The following METTL24 variants were observed in gnomAD, a reference collection of about 807,000 sequenced individuals.
METTL24 encodes the protein methyltransferase like 24.
A neutral mutation model predicts 32.7 loss-of-function variants in METTL24; 29 were observed. That is an observed-to-expected ratio of 0.89 (90% CI 0.66 to 1.21). The LOEUF (loss-of-function observed/expected upper bound fraction) is 1.21, where lower values mean the gene tolerates loss of function less well. METTL24 is among the 50% of genes most tolerant of loss of function. The pLI is 0.00. For synonymous variants in METTL24, 163 were observed against 179.5 expected (o/e 0.91, Z 0.73); for missense variants, 439 against 468.1 (o/e 0.94, Z 0.57).
intron 4 of METTL24, among the ~76,000 whole-genome samples, chr6:110,295,960 C>T (rs1320214167): frequency 6.6e-6 from 1 of 152,010 alleles, no homozygotes; most frequent in Non-Finnish European, 1.5e-5. Flanking sequence ...GTTCTCAGAC[C>T]TACTTCTCAA....
chr6:110,315,549 T>C (rs944034587), intron 2 of METTL24, 68 bp from the exon 3 acceptor site: 2 of 1,533,988 alleles, frequency 1.3e-6, no homozygotes, highest in Non-Finnish European at 9.0e-7. Flanking sequence ...TAGGGACTTA[T>C]TGCTTCCCCA....
intron 1 of METTL24, among the ~76,000 whole-genome samples, chr6:110,334,179 G>A (rs1422088161): frequency 1.3e-5 from 2 of 151,934 alleles, no homozygotes; most frequent in Non-Finnish European, 2.9e-5. Context: ...GCAACCCGGG[G>A]GCCCACAGGG....
chr6:110,246,087 A>T lies in METTL24; in HGVS notation c.960T>A (p.Leu320=), dbSNP rs1778153086. ...AATCCTTTTGTTCTAACTCTTTGAG[A>T]AGGCTGTACCAGAACCGCACAACGC... ...DSSVVRFWYS[L]LKELEQKDFR... is the part of the protein sequence containing the mutation. The change falls in exon 5 of 5, where the codon CTT becomes CTA. Residue 320 remains leucine, a synonymous_variant. Coordinates refer to ENST00000338882, the MANE Select transcript of METTL24 (RefSeq NM_001123364.3). The T allele has an allele frequency of 1.2e-6, 2 of 1,614,082 alleles. No individual in the cohort carries two copies. The highest frequency in any genetic ancestry group is 1.7e-6 in the Non-Finnish European group (2 of 1,180,036).
chr6:110,267,879 G>T (rs1446190852), intron 4 of METTL24, among the ~76,000 whole-genome samples: 1 of 152,074 alleles, frequency 6.6e-6, no homozygotes, highest in Admixed American at 6.6e-5. Flanking sequence ...AGAGGGCAAG[G>T]GGGTAGATCT....
chr6:110,246,099 G>A lies in METTL24; in HGVS notation c.948C>T (p.Phe316=), dbSNP rs1778153351. Residue 316 remains phenylalanine, a synonymous_variant, in exon 5 of 5, where the codon TTC becomes TTT. Coordinates refer to ENST00000338882, the MANE Select transcript of METTL24 (RefSeq NM_001123364.3). Reference sequence around the variant, plus strand: ...CTAACTCTTTGAGAAGGCTGTACCAGAACCGCACAACGCTGCTGTCACTGC... The same window carrying A: ...CTAACTCTTTGAGAAGGCTGTACCAAAACCGCACAACGCTGCTGTCACTGC... ...VSGSDSSVVR[F]WYSLLKELEQ... The A allele has an allele frequency of 6.2e-7, 1 of 1,614,050 alleles. No individual in the cohort carries two copies. The highest frequency in any genetic ancestry group is 1.3e-5 in the African/African-American group (1 of 74,918).
chr6:110,282,329 G>A (rs1171340954), intron 4 of METTL24, among the ~76,000 whole-genome samples: 2 of 152,070 alleles, frequency 1.3e-5, no homozygotes, highest in African/African-American at 2.4e-5. Context: ...CCCAGTAATT[G>A]TATATTGGCC....
intron 4 of METTL24, among the ~76,000 whole-genome samples, chr6:110,295,525 T>C (rs1487060009): frequency 6.6e-6 from 1 of 152,232 alleles, no homozygotes; most frequent in Non-Finnish European, 1.5e-5. Context: ...AAGGTCTACA[T>C]CTGTTCTGTG....
chr6:110,346,031 T>C (rs1166414494), intron 1 of METTL24, among the ~76,000 whole-genome samples: 1 of 152,230 alleles, frequency 6.6e-6, no homozygotes, highest in Non-Finnish European at 1.5e-5. Flanking sequence ...TTATGGGCCA[T>C]ACATAAGCTA....
chr6:110,259,679 C>A (rs1465771875), intron 4 of METTL24, among the ~76,000 whole-genome samples: 1 of 152,212 alleles, frequency 6.6e-6, no homozygotes, highest in Non-Finnish European at 1.5e-5. Context: ...TCAAGTGGGT[C>A]CCTGAACCCC....
chr6:110,263,454 C>T (rs1250521929), intron 4 of METTL24, among the ~76,000 whole-genome samples: 2 of 152,132 alleles, frequency 1.3e-5, no homozygotes, highest in Non-Finnish European at 2.9e-5. Flanking sequence ...CAAGCCACTG[C>T]TCAACGAAAT....
chr6:110,322,963 T>C lies in METTL24; in HGVS notation c.319-91A>G. On this transcript the variant is annotated intron_variant, in intron 1 of 4. Coordinates refer to ENST00000338882, the MANE Select transcript of METTL24 (RefSeq NM_001123364.3). ...AGTATCAGAGAGGAAGCAAGGCTGC[T>C]TTGGCTGTCAGCAAAACACACACAT... 7 of 995,062 alleles carry C rather than the reference T, an allele frequency of 7.0e-6. No individual in the cohort carries two copies. The South Asian group carries it at 1.1e-4, about 15-fold the overall frequency. The allele number at this position is 995,062 out of a possible 1,614,324, so 61.6% of individuals were successfully genotyped here.
At chr6:110,289,562 G>T (rs796385669) in intron 4 of METTL24, among the ~76,000 whole-genome samples, 17 of 152,042 alleles carry the variant, frequency 1.1e-4, no homozygotes, top group African/African-American at 4.1e-4. Context: ...AGAATTGGAA[G>T]CTAGTAGTGA....
intron 1 of METTL24, among the ~76,000 whole-genome samples, chr6:110,337,741 G>A (rs1417339482): frequency 6.6e-6 from 1 of 152,162 alleles, no homozygotes; most frequent in Non-Finnish European, 1.5e-5. Context: ...TTATTCACTA[G>A]TCAGTTCAGA....
intron 3 of METTL24, among the ~76,000 whole-genome samples, chr6:110,306,357 G>T (rs1190296954): frequency 6.6e-6 from 1 of 150,642 alleles, no homozygotes; most frequent in Admixed American, 6.6e-5. Flanking sequence ...CTAAAAAAAA[G>T]AAAACAGTTT....
At chr6:110,319,418 GAGAT>G (rs10659634) in intron 2 of METTL24, among the ~76,000 whole-genome samples, 21,279 of 148,668 alleles carry the variant, frequency 0.14, 1,676 homozygotes, top group Non-Finnish European at 0.18. Flanking sequence ...TAGAGAGGTA[GAGAT>G]AGATAGATAG....
intron 4 of METTL24, among the ~76,000 whole-genome samples, chr6:110,283,549 C>T (rs1771173057): frequency 6.6e-6 from 1 of 152,220 alleles, no homozygotes; most frequent in African/African-American, 2.4e-5. Context: ...GCTCATTCGC[C>T]CACCCACTCA....
At chr6:110,329,452 G>A (rs1772189119) in intron 1 of METTL24, among the ~76,000 whole-genome samples, 1 of 151,106 alleles carries the variant, frequency 6.6e-6, no homozygotes, top group South Asian at 2.1e-4. Context: ...GCATCTGTTA[G>A]TGGGCAGGAA....
chr6:110,332,632 G>C (rs1419982027), intron 1 of METTL24: 5 of 258,292 alleles, frequency 1.9e-5, no homozygotes, highest in Non-Finnish European at 3.0e-5. Context: ...TTTCGGCCAG[G>C]CACGGTGGTT....
In METTL24 at chr6:110,249,890, G is replaced by A. The variant is rs549695516; in HGVS notation, c.787-3630C>T. Among the ~76,000 whole-genome samples the A allele has an allele frequency of 1.3e-3, 201 of 152,136 alleles. 1 individual carries two copies. The highest frequency in any genetic ancestry group is 4.3e-3 in the African/African-American group (177 of 41,552). On this transcript the variant is annotated intron_variant, in intron 4 of 4. Transcript: ENST00000338882. ...AACAACTTAATTGGTATGATTTCCA[G>A]TGTATTAAAGGGGTCCTCCTATCAA...
Sources: gnomAD v4.1 joint callset for allele counts (sites outside exome capture counted in the v4.1 genomes callset) on GRCh38, gnomAD v4.1.1 for gene constraint, MANE v1.5 for transcripts, NCBI Gene and HGNC (gene_info 2026-07-23, HGNC 2026-07-21) for gene names.